Variants in TMEM268 observed in about 807,000 individuals in gnomAD.
The protein encoded by TMEM268 is transmembrane protein 268.
In TMEM268, 24 loss-of-function variants were observed where a neutral mutation model predicts 39.1. The ratio of observed to expected loss-of-function variants is 0.61; its 90% CI spans 0.44 to 0.86. TMEM268 has a LOEUF of 0.86. TMEM268 is among the 40% of genes least tolerant of loss of function. The probability of loss-of-function intolerance (pLI) is 0.00; values close to 1 mark genes in which losing one functional copy is unlikely to be tolerated. For missense variants in TMEM268, 409 were observed against 428.6 expected, an observed-to-expected ratio of 0.95 and a Z score of 0.40; for synonymous variants, 176 against 173.5, an observed-to-expected ratio of 1.01 and a Z score of -0.12.
At chr9:114,615,397 A>G (rs1359035670) in intron 1 of TMEM268, 1 of 152,258 alleles carries the variant, frequency 6.6e-6, no homozygotes, top group East Asian at 1.9e-4. Flanking sequence ...AGATTAAACC[A>G]CTTGCCCAAG....
chr9:114,614,260 A>G (rs758647409), intron 1 of TMEM268, among the ~76,000 whole-genome samples: 1 of 152,216 alleles, frequency 6.6e-6, no homozygotes, highest in Non-Finnish European at 1.5e-5. Flanking sequence ...CAGATACATG[A>G]TAATTGTTAA....
intron 8 of TMEM268, 144 bp downstream of exon 8, chr9:114,638,870 A>G (rs759587583): frequency 5.5e-5 from 29 of 529,428 alleles, no homozygotes; most frequent in African/African-American, 1.4e-4. Flanking sequence ...GGAGTTTTCA[A>G]TCTTTTCATT....
intron 5 of TMEM268, among the ~76,000 whole-genome samples, chr9:114,630,279 T>TCCATACATCCATCC (rs1554758354): frequency 2.7e-5 from 4 of 148,110 alleles, no homozygotes; most frequent in African/African-American, 1.0e-4. Context: ...AATATATATC[T>TCCATACATCCATCC]ATCCATCCAT....
rs1161977804 is a variant in TMEM268 at position 114,635,362 on chromosome 9, T to A, written c.585+1484T>A. Among the ~76,000 whole-genome samples the A allele has an allele frequency of 6.6e-5, 9 of 135,542 alleles. No homozygotes were observed. The East Asian group carries it at 6.7e-4, about 10-fold the overall frequency. The allele number at this position is 135,542 out of a possible 152,430, so 88.9% of individuals were successfully genotyped here. A position where few individuals can be genotyped will look rare whatever the true frequency, so the allele number is the denominator to read the frequency against. On this transcript the variant is annotated intron_variant, in intron 6 of 8. Coordinates refer to ENST00000288502, the MANE Select transcript of TMEM268 (RefSeq NM_153045.4). The stretch of plus-strand genomic sequence containing the variant: ...GAGACTCCATCTCAAAAAAAAAAAA[T>A]AAAAACAAAACAAAACAAAAAAGAG...
chr9:114,612,417 T>C lies in TMEM268; in HGVS notation c.-79+853T>C, dbSNP rs562546915. Among the ~76,000 whole-genome samples, 7 of 152,294 alleles carry C rather than the reference T, an allele frequency of 4.6e-5. No homozygotes were observed. In the South Asian group the frequency reaches 1.4e-3, roughly 32 times the overall value. On this transcript the variant is annotated intron_variant, in intron 1 of 8. Transcript: ENST00000288502. ...GCAGGGGCCTCAAGGCTGTGCTCAC[T>C]CCCCCTGCTCTGCCTCCACCCTGCT... is the stretch of plus-strand genomic sequence containing the variant.
intron 7 of TMEM268, among the ~76,000 whole-genome samples, chr9:114,637,624 A>C (rs1321623279): frequency 6.6e-6 from 1 of 152,144 alleles, no homozygotes; most frequent in African/African-American, 2.4e-5. Context: ...AATATTAATA[A>C]ATTTTGGTGG....
At chr9:114,622,591 C>T (rs935175178) in intron 2 of TMEM268, 85 of 806,686 alleles carry the variant, frequency 1.1e-4, no homozygotes, top group Non-Finnish European at 1.2e-4. Flanking sequence ...CATGGTCTGG[C>T]TTCATCCTAC....
chr9:114,622,471 T>C, intron 2 of TMEM268: 1 of 985,294 alleles, frequency 1.0e-6, no homozygotes, highest in Non-Finnish European at 1.2e-6. Context: ...GATCCTTTTG[T>C]CCAGTTTCTC....
At chr9:114,634,181 C>T (rs1846528438) in intron 6 of TMEM268, among the ~76,000 whole-genome samples, 1 of 152,190 alleles carries the variant, frequency 6.6e-6, no homozygotes. Context: ...TGTGCTGTGC[C>T]CTCGGTTGGA....
chr9:114,606,202 C>T, the TMEM268 span, among the ~76,000 whole-genome samples: 1 of 152,158 alleles, frequency 6.6e-6, no homozygotes, highest in African/African-American at 2.4e-5. Context: ...CTGACCCTGG[C>T]ACTTGTCTTT....
At chr9:114,608,327 T>G (rs117629219), upstream of TMEM268, among the ~76,000 whole-genome samples, 2,093 of 152,304 alleles carry the variant, frequency 0.014, 72 homozygotes, top group East Asian at 0.11. Flanking sequence ...AATGAGGGTA[T>G]TGAAACTCAG....
At chr9:114,613,654 G>GC (rs1321148622) in intron 1 of TMEM268, among the ~76,000 whole-genome samples, 1 of 152,158 alleles carries the variant, frequency 6.6e-6, no homozygotes, top group African/African-American at 2.4e-5. Context: ...GGAGGAGAAG[G>GC]CCCCTGCCAT....
chr9:114,622,044 G>A (rs1189581143), intron 2 of TMEM268: 1 of 980,986 alleles, frequency 1.0e-6, no homozygotes, highest in African/African-American at 1.7e-5. Context: ...AGAGGGCCAA[G>A]GGAGAGGTGA....
rs767315821 is a variant in TMEM268, at chr9:114,643,238, G to T, written c.954G>T (p.Pro318=). The T allele has an allele frequency of 6.2e-7, 1 of 1,614,154 alleles. No homozygotes were observed. Among genetic ancestry groups the T allele is most frequent in the Non-Finnish European group, 8.5e-7 (1 of 1,180,014 alleles). Reference sequence around the variant, plus strand: ...TGGGGACACGACACACGAACTCTCCGAGAATTCCATGCCCCTGCCAGCTCA... The same window carrying T: ...TGGGGACACGACACACGAACTCTCCTAGAATTCCATGCCCCTGCCAGCTCA... ...QAMGTRHTNS[P]RIPCPCQLIE... The change falls in exon 9 of 9, where the codon CCG becomes CCT. Residue 318 remains proline, a synonymous_variant. Transcript: ENST00000288502.
chr9:114,630,805 C>A (rs7043865), intron 5 of TMEM268, among the ~76,000 whole-genome samples: 104,472 of 151,976 alleles, frequency 0.69, 36,076 homozygotes, highest in Non-Finnish European at 0.72. Context: ...TCCATGGCCA[C>A]ACAGCCCTTC....
At chr9:114,640,510 G>A (rs1034993880) in intron 8 of TMEM268, among the ~76,000 whole-genome samples, 1 of 152,096 alleles carries the variant, frequency 6.6e-6, no homozygotes, top group Non-Finnish European at 1.5e-5. Context: ...TTCCTTGGTG[G>A]GTGAAATAAG....
At chr9:114,625,043 C>T (rs1846100289) in intron 3 of TMEM268, among the ~76,000 whole-genome samples, 1 of 152,188 alleles carries the variant, frequency 6.6e-6, no homozygotes, top group Non-Finnish European at 1.5e-5. Flanking sequence ...TGATTTGAGG[C>T]CAGGCTTCAC....
chr9:114,630,469 T>C lies in TMEM268; in HGVS notation c.474+2219T>C, dbSNP rs755558911. ...TTTCTTCCTAATAATGTCCATCATTTCATGAGCACCTATTGTATGCTGTAT... is the reference window on the plus strand; with the variant it reads ...TTTCTTCCTAATAATGTCCATCATTCCATGAGCACCTATTGTATGCTGTAT... On this transcript the variant is annotated intron_variant, in intron 5 of 8. Transcript: ENST00000288502. Among the ~76,000 whole-genome samples, 254 of 152,316 alleles carry C rather than the reference T, an allele frequency of 1.7e-3. 6 individuals are homozygous for C. Among genetic ancestry groups the C allele is most frequent in the South Asian group, 1.2e-3 (6 of 4,824 alleles).
At chr9:114,617,823 T>C (rs1452502348) in intron 2 of TMEM268, among the ~76,000 whole-genome samples, 1 of 152,200 alleles carries the variant, frequency 6.6e-6, no homozygotes, top group East Asian at 1.9e-4. Context: ...CCTCTGGCTT[T>C]GCCTTCCCAA....
Sources: allele counts gnomAD v4.1 joint callset (sites outside exome capture counted in the v4.1 genomes callset), GRCh38; gene constraint gnomAD v4.1.1; transcripts MANE v1.5; gene names NCBI Gene and HGNC (gene_info 2026-07-23, HGNC 2026-07-21).